The following RPS6KC1 variants were observed in gnomAD, a reference collection of about 807,000 sequenced individuals.
The protein encoded by RPS6KC1 is inactive ribosomal protein S6 kinase delta-1.
A neutral mutation model predicts 103.8 loss-of-function variants in RPS6KC1; 54 were observed. The observed-to-expected ratio is 0.52, with a 90% CI of 0.42 to 0.65. The LOEUF is 0.65. Ranked by LOEUF, RPS6KC1 falls within the 30% of genes least tolerant of loss-of-function variation. The pLI is 0.00. For synonymous variants in RPS6KC1, 439 were observed against 438.7 expected, an observed-to-expected ratio of 1.00 and a Z score of -0.01; for missense variants, 1,151 against 1,253.8, an observed-to-expected ratio of 0.92 and a Z score of 1.24.
the RPS6KC1 span, among the ~76,000 whole-genome samples, chr1:213,828,945 A>G: frequency 6.6e-6 from 1 of 152,198 alleles, no homozygotes; most frequent in Non-Finnish European, 1.5e-5. Flanking sequence ...TAAAGTCTCC[A>G]AGACATTTGT....
the RPS6KC1 span, among the ~76,000 whole-genome samples, chr1:213,624,152 C>T: frequency 5.9e-5 from 9 of 152,100 alleles, no homozygotes; most frequent in Non-Finnish European, 1.3e-4. Context: ...GAGAGGTGAC[C>T]ACTGAGGCTC....
At chr1:213,163,123 TAAAA>T (rs760151691) in intron 6 of RPS6KC1, among the ~76,000 whole-genome samples, 61 of 152,076 alleles carry the variant, frequency 4.0e-4, no homozygotes, top group African/African-American at 1.3e-3. Context: ...AATCAGCACT[TAAAA>T]AAAACTAACT....
chr1:213,269,701 A>T (rs1327067429), intron 14 of RPS6KC1, among the ~76,000 whole-genome samples: 5 of 152,128 alleles, frequency 3.3e-5, no homozygotes, highest in Non-Finnish European at 7.4e-5. Flanking sequence ...TTAAATGCCT[A>T]TATCAGAAAA....
chr1:213,723,319 C>T, the RPS6KC1 span, among the ~76,000 whole-genome samples: 1 of 152,224 alleles, frequency 6.6e-6, no homozygotes, highest in African/African-American at 2.4e-5. Context: ...GCTGCCATAA[C>T]AAAGCATCAC....
chr1:213,354,325 G>A, the RPS6KC1 span, among the ~76,000 whole-genome samples: 6 of 152,174 alleles, frequency 3.9e-5, no homozygotes, highest in Non-Finnish European at 7.3e-5. Flanking sequence ...TGATGGTAAT[G>A]ATCCCCTGCA....
the RPS6KC1 span, among the ~76,000 whole-genome samples, chr1:213,437,317 C>T: frequency 9.9e-5 from 15 of 151,984 alleles, no homozygotes; most frequent in Non-Finnish European, 8.8e-5. Context: ...ATTGCATTGA[C>T]TGATGTTCAA....
At chr1:213,781,911 C>G in the RPS6KC1 span, among the ~76,000 whole-genome samples, 1 of 152,104 alleles carries the variant, frequency 6.6e-6, no homozygotes, top group African/African-American at 2.4e-5. Context: ...GAAAATGAAC[C>G]ATTTTTGTGT....
chr1:213,739,830 A>G, the RPS6KC1 span, among the ~76,000 whole-genome samples: 1 of 152,204 alleles, frequency 6.6e-6, no homozygotes, highest in East Asian at 1.9e-4. Flanking sequence ...CAAAGATTCA[A>G]AAGTATGCCC....
the RPS6KC1 span, among the ~76,000 whole-genome samples, chr1:213,775,763 G>T: frequency 1.1e-4 from 16 of 152,240 alleles, no homozygotes; most frequent in East Asian, 9.7e-4. Flanking sequence ...TTCATGAAAG[G>T]TCTCTGTAGT....
chr1:213,486,860 T>C, the RPS6KC1 span, among the ~76,000 whole-genome samples: 1 of 152,236 alleles, frequency 6.6e-6, no homozygotes, highest in Non-Finnish European at 1.5e-5. Context: ...TCAGATTCTG[T>C]GTTCAAACCC....
the RPS6KC1 span, among the ~76,000 whole-genome samples, chr1:213,316,790 A>G: frequency 6.6e-6 from 1 of 152,138 alleles, no homozygotes; most frequent in Non-Finnish European, 1.5e-5. Context: ...GGCCTCATTA[A>G]TAATGTGACA....
intron 1 of RPS6KC1, among the ~76,000 whole-genome samples, chr1:213,060,503 C>T (rs2077736153): frequency 6.6e-6 from 1 of 152,190 alleles, no homozygotes; most frequent in Non-Finnish European, 1.5e-5. Flanking sequence ...TTTTATTCTA[C>T]TGTTCCTTTG....
At chr1:213,373,949 G>A in the RPS6KC1 span, among the ~76,000 whole-genome samples, 1 of 152,092 alleles carries the variant, frequency 6.6e-6, no homozygotes, top group Non-Finnish European at 1.5e-5. Flanking sequence ...ATCCTTTGAA[G>A]GCTCCTGCTT....
the RPS6KC1 span, among the ~76,000 whole-genome samples, chr1:213,388,500 A>G: frequency 6.6e-6 from 1 of 152,190 alleles, no homozygotes; most frequent in Admixed American, 6.5e-5. Context: ...TTCTTCTTCT[A>G]TTTTGCATAG....
the RPS6KC1 span, among the ~76,000 whole-genome samples, chr1:213,431,709 T>C: frequency 6.6e-6 from 1 of 151,780 alleles, no homozygotes; most frequent in Non-Finnish European, 1.5e-5. Context: ...ATTCTATTAC[T>C]GGTAGACATT....
chr1:213,725,987 G>A, the RPS6KC1 span, among the ~76,000 whole-genome samples: 58 of 151,986 alleles, frequency 3.8e-4, no homozygotes, highest in Admixed American at 3.5e-3. Flanking sequence ...ATTGCTTTTC[G>A]TGTTTTAAAC....
In RPS6KC1 at chr1:213,197,154, A is replaced by G. The variant is rs535032395; in HGVS notation, c.1044+20662A>G. ...GCCCGGCCTCTACATGCCTGTTTTT[A>G]TACCAGTATTATCCTGTTTTGGTAA... On this transcript the variant is annotated intron_variant, in intron 8 of 14. Transcript: ENST00000366960. Among the ~76,000 whole-genome samples the G allele has an allele frequency of 5.2e-4, 79 of 152,228 alleles. 1 individual carries two copies. Among genetic ancestry groups the G allele is most frequent in the African/African-American group, 1.9e-3 (78 of 41,550 alleles).
chr1:213,672,122 T>A, the RPS6KC1 span, among the ~76,000 whole-genome samples: 1 of 152,092 alleles, frequency 6.6e-6, no homozygotes. Flanking sequence ...CTGTACTCTA[T>A]CCCATATCTC....
intron 5 of RPS6KC1, among the ~76,000 whole-genome samples, chr1:213,128,922 G>T (rs376485585): frequency 2.6e-5 from 4 of 152,142 alleles, no homozygotes; most frequent in African/African-American, 7.2e-5. Context: ...TGCTTTATAT[G>T]CATTAACTCT....
Sources: gnomAD v4.1 joint callset for allele counts (sites outside exome capture counted in the v4.1 genomes callset) on GRCh38, gnomAD v4.1.1 for gene constraint, MANE v1.5 for transcripts, NCBI Gene and HGNC (gene_info 2026-07-23, HGNC 2026-07-21) for gene names.